The following PRKCA variants were observed in gnomAD, a reference collection of about 807,000 sequenced individuals.
PRKCA encodes protein kinase C alpha type.
Under a neutral mutation model 87.0 loss-of-function variants are expected in PRKCA, and 27 were observed. The ratio of observed to expected loss-of-function variants is 0.31; its 90% CI spans 0.23 to 0.43. The LOEUF is 0.43. Among genes scored for constraint, PRKCA ranks in the 20% least tolerant of loss-of-function variants. The pLI is 1.00. For missense variants in PRKCA, 518 were observed against 852.3 expected (o/e 0.61, Z 4.88); for synonymous variants, 329 against 311.1 (o/e 1.06, Z -0.61).
chr17:66,660,322 T>C (rs1458113525), intron 5 of PRKCA, among the ~76,000 whole-genome samples: 1 of 152,212 alleles, frequency 6.6e-6, no homozygotes, highest in East Asian at 1.9e-4. Context: ...CTTTAATTTC[T>C]ACAGAAAGCA....
At chr17:66,357,497 T>TA (rs564113366) in intron 2 of PRKCA, among the ~76,000 whole-genome samples, 1 of 152,198 alleles carries the variant, frequency 6.6e-6, no homozygotes, top group Non-Finnish European at 1.5e-5. Flanking sequence ...ATGATCATTA[T>TA]AAAAAATGTC....
At chr17:66,502,498 G>A (rs1916780128) in intron 3 of PRKCA, among the ~76,000 whole-genome samples, 1 of 152,076 alleles carries the variant, frequency 6.6e-6, no homozygotes, top group Non-Finnish European at 1.5e-5. Context: ...GCCTCCCAAA[G>A]TGCTGGGATT....
At chr17:66,514,800 C>G (rs1009139823) in intron 3 of PRKCA, among the ~76,000 whole-genome samples, 1 of 151,934 alleles carries the variant, frequency 6.6e-6, no homozygotes, top group Non-Finnish European at 1.5e-5. Flanking sequence ...AGAAACAATT[C>G]CATTCCAGCA....
intron 2 of PRKCA, among the ~76,000 whole-genome samples, chr17:66,431,061 C>A (rs1439009713): frequency 6.6e-6 from 1 of 152,164 alleles, no homozygotes; most frequent in African/African-American, 2.4e-5. Flanking sequence ...TCACAGCCAG[C>A]CCTTATTGTT....
intron 10 of PRKCA, among the ~76,000 whole-genome samples, chr17:66,737,807 A>G (rs2144221507): frequency 6.6e-6 from 1 of 152,352 alleles, no homozygotes; most frequent in South Asian, 2.1e-4. Flanking sequence ...ATCCCAGCCC[A>G]GAGCCTGTAA....
intron 2 of PRKCA, chr17:66,416,917 G>A (rs570588711): frequency 2.5e-5 from 4 of 157,592 alleles, no homozygotes; most frequent in African/African-American, 7.2e-5. Flanking sequence ...GTTGGGGGTG[G>A]GTGGGCGGTC....
Position 66,774,018 on chromosome 17 carries a change from T to G in PRKCA, c.1556T>G (p.Val519Gly). Residue 519 changes from valine to glycine, a missense_variant, in exon 14 of 17, where the codon GTG becomes GGG. Physicochemically the swap from Val to Gly is moderately radical, Grantham distance 109 (BLOSUM62 -3). Around this residue, in one of 5 missense-constraint regions of PRKCA, gnomAD observed 159 missense variants for 232.4 expected, o/e 0.68. Coordinates refer to ENST00000413366, the MANE Select transcript of PRKCA (RefSeq NM_002737.3). ...GCTTATCAGCCGTATGGAAAATCTG[T>G]GGACTGGTGGGCCTATGGCGTCCTG... ...IIAYQPYGKS[V>G]DWWAYGVLLY... 2 of 1,614,138 alleles carry G rather than the reference T, an allele frequency of 1.2e-6. No homozygotes were observed. The highest frequency in any genetic ancestry group is 1.7e-6 in the Non-Finnish European group (2 of 1,180,016).
chr17:66,440,189 A>G (rs1326008612), intron 2 of PRKCA, among the ~76,000 whole-genome samples: 2 of 152,204 alleles, frequency 1.3e-5, no homozygotes, highest in South Asian at 2.1e-4. Flanking sequence ...CATTGAATTG[A>G]TTAAACTCAA....
intron 2 of PRKCA, among the ~76,000 whole-genome samples, chr17:66,443,236 C>T (rs367699397): frequency 2.2e-4 from 33 of 152,252 alleles, no homozygotes; most frequent in African/African-American, 7.5e-4. Flanking sequence ...CTATGCCTGT[C>T]TGTTCAATGT....
intron 3 of PRKCA, among the ~76,000 whole-genome samples, chr17:66,613,822 C>T: frequency 9.1e-6 from 1 of 110,062 alleles, no homozygotes; most frequent in African/African-American, 3.5e-5. Context: ...GAGTCTTGCT[C>T]TGTCACCCAA....
chr17:66,771,951 A>G (rs531247010), intron 13 of PRKCA, among the ~76,000 whole-genome samples: 6 of 152,288 alleles, frequency 3.9e-5, no homozygotes, highest in African/African-American at 1.4e-4. Flanking sequence ...ATGAGCATGC[A>G]TGGCTTCTGG....
At chr17:66,748,369 A>G (rs1309022363) in intron 13 of PRKCA, among the ~76,000 whole-genome samples, 2 of 152,236 alleles carry the variant, frequency 1.3e-5, no homozygotes, top group Non-Finnish European at 1.5e-5. Context: ...AATTCAGCCA[A>G]TGGGCTATCA....
At chr17:66,418,611 AT>A (rs959261855) in intron 2 of PRKCA, among the ~76,000 whole-genome samples, 1 of 150,596 alleles carries the variant, frequency 6.6e-6, no homozygotes, top group Non-Finnish European at 1.5e-5. Flanking sequence ...TAATTTTTGT[AT>A]TTTTAGTAGA....
chr17:66,368,350 G>GTGTGTTTATCTATA, intron 2 of PRKCA, among the ~76,000 whole-genome samples: 1 of 118,562 alleles, frequency 8.4e-6, no homozygotes, highest in South Asian at 2.7e-4. Flanking sequence ...GTGTGTGTGT[G>GTGTGTTTATCTATA]TGTGTGTGTA....
At chr17:66,408,591 T>G (rs1488568887) in intron 2 of PRKCA, among the ~76,000 whole-genome samples, 1 of 152,232 alleles carries the variant, frequency 6.6e-6, no homozygotes, top group Non-Finnish European at 1.5e-5. Flanking sequence ...GTTTGGTTTA[T>G]CTAGCTTTTT....
rs117962033 is a variant in PRKCA at position 66,709,115 on chromosome 17, G to A, written c.918+20068G>A. ...CTCTGATCTCCTCTGTTCAGGTTCA[G>A]GGCTGTGATGACCCATTCAGGCTGT... On this transcript the variant is annotated intron_variant, in intron 8 of 16. Transcript: ENST00000413366. Among the ~76,000 whole-genome samples the A allele has an allele frequency of 1.2e-4, 19 of 152,182 alleles. No individual in the cohort carries two copies. In the East Asian group the frequency reaches 3.5e-3, roughly 28 times the overall value.
At chr17:66,798,950 G>A (rs796205119) in intron 16 of PRKCA, among the ~76,000 whole-genome samples, 37 of 104,840 alleles carry the variant, frequency 3.5e-4, no homozygotes, top group South Asian at 7.7e-4. Flanking sequence ...GGTGGTGGTG[G>A]TGGTGGTGGT....
chr17:66,716,632 G>A (rs1455546680), intron 8 of PRKCA, among the ~76,000 whole-genome samples: 4 of 152,158 alleles, frequency 2.6e-5, no homozygotes, highest in African/African-American at 9.7e-5. Flanking sequence ...GATCCTAACA[G>A]ATGTGTCAAT....
intron 2 of PRKCA, among the ~76,000 whole-genome samples, chr17:66,380,922 G>T (rs892670850): frequency 6.6e-6 from 1 of 150,674 alleles, no homozygotes; most frequent in Non-Finnish European, 1.5e-5. Flanking sequence ...AGAATCTAAG[G>T]TATTTTTATT....
Sources: gnomAD v4.1 joint callset for allele counts (sites outside exome capture counted in the v4.1 genomes callset) on GRCh38, gnomAD v4.1.1 for gene constraint, gnomAD v4.1.1 regional missense constraint, MANE v1.5 for transcripts, NCBI Gene and HGNC (gene_info 2026-07-23, HGNC 2026-07-21) for gene names.